Variants in NKAIN2 observed in about 807,000 individuals in gnomAD.
The protein encoded by NKAIN2 is sodium/potassium transporting ATPase interacting 2.
NKAIN2 carries 14 observed loss-of-function variants against 32.6 expected under a neutral mutation model. The ratio of observed to expected loss-of-function variants is 0.43; its 90% CI spans 0.28 to 0.67. The LOEUF is 0.67. NKAIN2 is among the 30% of genes least tolerant of loss of function. The pLI, the probability that NKAIN2 is intolerant of heterozygous loss-of-function variation, is 0.17. For missense variants in NKAIN2, 198 were observed against 258.3 expected, an observed-to-expected ratio of 0.77 and a Z score of 1.60; for synonymous variants, 80 against 87.2, an observed-to-expected ratio of 0.92 and a Z score of 0.46.
chr6:124,541,566 AGAG>A (rs1300827758), intron 3 of NKAIN2, among the ~76,000 whole-genome samples: 11 of 152,210 alleles, frequency 7.2e-5, no homozygotes. Flanking sequence ...CCTTGGTGTT[AGAG>A]CATTGGCAAA....
intron 1 of NKAIN2, among the ~76,000 whole-genome samples, chr6:123,851,271 A>G (rs112240618): frequency 0.25 from 13,164 of 53,688 alleles, 1,131 homozygotes; most frequent in African/African-American, 0.4. Flanking sequence ...TTTTTTTGAG[A>G]CAGAGTCTGG....
chr6:124,614,196 C>T (rs1782796882), intron 3 of NKAIN2, among the ~76,000 whole-genome samples: 1 of 152,152 alleles, frequency 6.6e-6, no homozygotes, highest in Admixed American at 6.5e-5. Flanking sequence ...GAGTTCGAGA[C>T]CAGCCTGGCC....
chr6:124,203,403 T>C (rs1790686101), intron 1 of NKAIN2, among the ~76,000 whole-genome samples: 1 of 151,944 alleles, frequency 6.6e-6, no homozygotes, highest in Non-Finnish European at 1.5e-5. Flanking sequence ...GGTATTTTTA[T>C]CACAGGCTCA....
intron 1 of NKAIN2, among the ~76,000 whole-genome samples, chr6:124,186,166 A>C (rs1582812410): frequency 8.2e-6 from 1 of 122,674 alleles, no homozygotes. Flanking sequence ...GGAGGGAGGG[A>C]GGGAGGGAAA....
intron 1 of NKAIN2, 132 bp from the exon 2 acceptor site, chr6:124,282,873 T>G: frequency 1.3e-6 from 1 of 767,046 alleles, no homozygotes; most frequent in Non-Finnish European, 2.2e-6. Context: ...CGCTGTTAGT[T>G]AAAGACAAAT....
intron 1 of NKAIN2, among the ~76,000 whole-genome samples, chr6:123,997,756 A>T (rs1225125082): frequency 3.3e-5 from 5 of 151,430 alleles, no homozygotes; most frequent in Non-Finnish European, 7.4e-5. Context: ...GGCGCCTGCC[A>T]CCACGCCCGG....
intron 2 of NKAIN2, among the ~76,000 whole-genome samples, chr6:124,323,120 T>A (rs1267456637): frequency 1.3e-5 from 2 of 152,196 alleles, no homozygotes; most frequent in Non-Finnish European, 2.9e-5. Context: ...CTGAATTGTA[T>A]TGTCTGGTTT....
At chr6:124,619,606 G>A (rs1783035479) in intron 3 of NKAIN2, among the ~76,000 whole-genome samples, 1 of 152,138 alleles carries the variant, frequency 6.6e-6, no homozygotes, top group Non-Finnish European at 1.5e-5. Context: ...ACAGAGCCCA[G>A]TTCTCTGAAA....
At chr6:124,681,356 A>G (rs1222603365) in intron 4 of NKAIN2, among the ~76,000 whole-genome samples, 2 of 152,028 alleles carry the variant, frequency 1.3e-5, no homozygotes, top group East Asian at 1.9e-4. Context: ...TTTGATATAA[A>G]TCACACATCT....
chr6:124,374,920 G>C (rs1421947830), intron 3 of NKAIN2, among the ~76,000 whole-genome samples: 1 of 152,038 alleles, frequency 6.6e-6, no homozygotes, highest in Non-Finnish European at 1.5e-5. Context: ...GCAAGACACT[G>C]GCTGAAATGG....
chr6:124,670,645 CTG>C lies in NKAIN2; in HGVS notation c.474+12293_474+12294del, dbSNP rs57300688. Among the ~76,000 whole-genome samples the C allele has an allele frequency of 4.7e-3, 581 of 123,758 alleles. 3 individuals carry two copies. The highest frequency in any genetic ancestry group is 0.037 in the South Asian group (128 of 3,456). 81.2% of individuals were successfully genotyped at this position (123,758 alleles called of 152,430 possible). A position where few individuals can be genotyped will look rare whatever the true frequency, so the allele number is the denominator to read the frequency against. ...TTTACCTGAGATTAATCTTTGCTTTCTGTGTGTGTGTGTGTGTGTGTGTGTGT... is the reference window on the plus strand; with the variant it reads ...TTTACCTGAGATTAATCTTTGCTTTCTGTGTGTGTGTGTGTGTGTGTGTGT... On this transcript the variant is annotated intron_variant, in intron 4 of 6. Transcript: ENST00000368417.
intron 4 of NKAIN2, among the ~76,000 whole-genome samples, chr6:124,678,599 C>G (rs1773470954): frequency 1.3e-5 from 2 of 152,070 alleles, no homozygotes; most frequent in Non-Finnish European, 2.9e-5. Flanking sequence ...TGTTAATAAT[C>G]TCATTTTGTT....
intron 1 of NKAIN2, among the ~76,000 whole-genome samples, chr6:123,923,354 CTT>C (rs149141892): frequency 7.0e-6 from 1 of 143,378 alleles, no homozygotes; most frequent in Admixed American, 7.0e-5. Flanking sequence ...TCACTATAAG[CTT>C]TTTTTTTTTG....
intron 3 of NKAIN2, among the ~76,000 whole-genome samples, chr6:124,630,532 CTT>C (rs1251973295): frequency 1.3e-5 from 2 of 152,096 alleles, no homozygotes; most frequent in African/African-American, 4.8e-5. Flanking sequence ...CACTCATAGT[CTT>C]TTACTTTTCC....
intron 1 of NKAIN2, among the ~76,000 whole-genome samples, chr6:124,184,564 ACT>A (rs1198658113): frequency 6.6e-6 from 1 of 152,060 alleles, no homozygotes; most frequent in African/African-American, 2.4e-5. Context: ...CACTATCTGT[ACT>A]CTCTGACTGC....
intron 1 of NKAIN2, among the ~76,000 whole-genome samples, chr6:123,893,690 G>A (rs192094): frequency 6.6e-6 from 1 of 152,178 alleles, no homozygotes; most frequent in African/African-American, 2.4e-5. Flanking sequence ...TTTTAAATTA[G>A]AATTTATTTA....
chr6:123,811,896 C>T (rs1773490255), intron 1 of NKAIN2, among the ~76,000 whole-genome samples: 1 of 151,520 alleles, frequency 6.6e-6, no homozygotes, highest in Non-Finnish European at 1.5e-5. Flanking sequence ...ATGCTATGCG[C>T]CTGATATACG....
chr6:124,739,204 G>T (rs1303981841), intron 4 of NKAIN2, among the ~76,000 whole-genome samples: 4 of 151,816 alleles, frequency 2.6e-5, no homozygotes, highest in Non-Finnish European at 5.9e-5. Flanking sequence ...ATGGAACCAG[G>T]ATTCTTTTAT....
chr6:124,195,697 T>C (rs896115748), intron 1 of NKAIN2, among the ~76,000 whole-genome samples: 52 of 152,138 alleles, frequency 3.4e-4, no homozygotes, highest in Non-Finnish European at 1.3e-4. Context: ...AATGGAAAAG[T>C]AAATCATTCC....
Sources: gnomAD v4.1 joint callset for allele counts (sites outside exome capture counted in the v4.1 genomes callset) on GRCh38, gnomAD v4.1.1 for gene constraint, MANE v1.5 for transcripts, NCBI Gene and HGNC (gene_info 2026-07-23, HGNC 2026-07-21) for gene names.